The following EPC2 variants were observed in gnomAD, a reference collection of about 807,000 sequenced individuals.
The protein encoded by EPC2 is enhancer of polycomb homolog 2.
EPC2 carries 14 observed loss-of-function variants against 92.1 expected under a neutral mutation model. The observed-to-expected ratio is 0.15, with a 90% CI of 0.10 to 0.24. The LOEUF (loss-of-function observed/expected upper bound fraction) is 0.24. Among genes scored for constraint, EPC2 ranks in the 10% least tolerant of loss-of-function variants. The pLI is 1.00. For missense variants in EPC2, 755 were observed against 971.5 expected, an observed-to-expected ratio of 0.78 and a Z score of 2.96; for synonymous variants, 340 against 334.7, an observed-to-expected ratio of 1.02 and a Z score of -0.17.
chr2:148,733,550 T>G (rs1682690121), intron 2 of EPC2, among the ~76,000 whole-genome samples: 1 of 123,698 alleles, frequency 8.1e-6, no homozygotes, highest in South Asian at 2.9e-4. Context: ...CAGGCGGGAG[T>G]GCAGTGCCGC....
At chr2:148,757,635 C>T (rs1026172915) in intron 4 of EPC2, among the ~76,000 whole-genome samples, 1 of 151,900 alleles carries the variant, frequency 6.6e-6, no homozygotes. Context: ...GTCGGGAGTT[C>T]AAGACCAGCC....
At chr2:148,709,992 C>T (rs1682100597) in intron 2 of EPC2, among the ~76,000 whole-genome samples, 2 of 151,576 alleles carry the variant, frequency 1.3e-5, no homozygotes, top group African/African-American at 4.8e-5. Flanking sequence ...CCAAAATTGA[C>T]AAATGGGATC....
chr2:148,691,837 T>C, intron 2 of EPC2: 1 of 652,172 alleles, frequency 1.5e-6, no homozygotes, highest in Non-Finnish European at 2.9e-6. Context: ...AATTTATTTC[T>C]TTAATCTTAC....
chr2:148,785,423 G>C (rs918595050), intron 13 of EPC2, among the ~76,000 whole-genome samples: 8 of 151,982 alleles, frequency 5.3e-5, no homozygotes, highest in Non-Finnish European at 1.0e-4. Flanking sequence ...CGCCTCCCAG[G>C]TTCAAGCGAT....
intron 1 of EPC2, among the ~76,000 whole-genome samples, chr2:148,689,243 C>A (rs1362327179): frequency 6.6e-6 from 1 of 150,806 alleles, no homozygotes; most frequent in African/African-American, 2.4e-5. Context: ...AGTGGCGGAT[C>A]TCGGCTCACT....
chr2:148,668,213 T>G lies in EPC2; in HGVS notation c.154-22001T>G, dbSNP rs368033601. Among the ~76,000 whole-genome samples the G allele has an allele frequency of 2.6e-5, 4 of 152,308 alleles. No homozygotes were observed. The South Asian group carries it at 8.3e-4, about 32-fold the overall frequency. On this transcript the variant is annotated intron_variant, in intron 1 of 13. Transcript: ENST00000258484. ...CTCCTGGTCTCAGTTTTTTATTTTA[T>G]TTATTTTTTAAAGCTTATTAATATG... is the stretch of plus-strand genomic sequence containing the variant.
intron 11 of EPC2, among the ~76,000 whole-genome samples, chr2:148,782,404 G>A (rs1683770589): frequency 6.6e-6 from 1 of 152,096 alleles, no homozygotes; most frequent in Non-Finnish European, 1.5e-5. Flanking sequence ...GGGCATGGTG[G>A]TGAATACCTG....
intron 1 of EPC2, among the ~76,000 whole-genome samples, chr2:148,687,628 T>C (rs1436482006): frequency 6.6e-6 from 1 of 152,228 alleles, no homozygotes; most frequent in Non-Finnish European, 1.5e-5. Flanking sequence ...CTGACTATGA[T>C]GTAGTATAGA....
intron 1 of EPC2, among the ~76,000 whole-genome samples, chr2:148,685,840 G>A (rs1394377014): frequency 6.6e-6 from 1 of 152,234 alleles, no homozygotes; most frequent in African/African-American, 2.4e-5. Context: ...CTAGCACTGT[G>A]TCTAAAATAT....
intron 2 of EPC2, among the ~76,000 whole-genome samples, chr2:148,732,547 A>T (rs1283583299): frequency 2.0e-5 from 3 of 151,688 alleles, no homozygotes; most frequent in Non-Finnish European, 4.4e-5. Flanking sequence ...TGCCCGGCTA[A>T]TTTTTGTATT....
Position 148,786,357 on chromosome 2 carries a change from G to C in EPC2, c.2404G>C (p.Val802Leu). The C allele has an allele frequency of 1.2e-6, 2 of 1,610,966 alleles. No homozygotes were observed. Among genetic ancestry groups the C allele is most frequent in the Non-Finnish European group, 1.7e-6 (2 of 1,178,556 alleles). The stretch of plus-strand genomic sequence containing the variant: ...CTTAAATGGAATAGCAGAGACAACA[G>C]TAGCTATGGAAGTGACATAACCTAA... ...LGLNGIAETTVAMEVT is the reference protein window; with the variant it reads ...LGLNGIAETTLAMEVT Residue 802 changes from valine to leucine, a missense_variant, in exon 14 of 14, where the codon GTA becomes CTA. By Grantham distance (32) the Val-to-Leu change is conservative. Coordinates refer to ENST00000258484, the MANE Select transcript of EPC2 (RefSeq NM_015630.4).
intron 11 of EPC2, among the ~76,000 whole-genome samples, chr2:148,783,178 AGT>A (rs1165183194): frequency 6.6e-6 from 1 of 152,196 alleles, no homozygotes; most frequent in African/African-American, 2.4e-5. Flanking sequence ...GCTTTTTCTG[AGT>A]CTCCTGGTTA....
At chr2:148,695,460 A>G (rs910922860) in intron 2 of EPC2, among the ~76,000 whole-genome samples, 1 of 152,246 alleles carries the variant, frequency 6.6e-6, no homozygotes, top group African/African-American at 2.4e-5. Flanking sequence ...TCAAGTCTAC[A>G]TTGGAAAAGA....
intron 2 of EPC2, among the ~76,000 whole-genome samples, chr2:148,713,115 C>T (rs1283331680): frequency 1.3e-5 from 2 of 152,210 alleles, no homozygotes; most frequent in East Asian, 3.9e-4. Context: ...ACTTTTTAAT[C>T]GTTATGTTAG....
chr2:148,660,559 A>T (rs1193143508), intron 1 of EPC2, among the ~76,000 whole-genome samples: 1 of 151,500 alleles, frequency 6.6e-6, no homozygotes, highest in Non-Finnish European at 1.5e-5. Flanking sequence ...AGGGAAATTG[A>T]CATATCAGTC....
intron 2 of EPC2, among the ~76,000 whole-genome samples, chr2:148,710,194 G>T (rs866021116): frequency 6.6e-6 from 1 of 152,314 alleles, no homozygotes; most frequent in East Asian, 1.9e-4. Context: ...CAAAGGATAT[G>T]AACAGACACT....
chr2:148,651,474 G>A (rs1680683388), intron 1 of EPC2, among the ~76,000 whole-genome samples: 2 of 152,150 alleles, frequency 1.3e-5, no homozygotes, highest in African/African-American at 4.8e-5. Flanking sequence ...GTGAATGAAG[G>A]AGTAAAAATA....
At chr2:148,733,660 A>G (rs929934308) in intron 2 of EPC2, among the ~76,000 whole-genome samples, 7 of 150,854 alleles carry the variant, frequency 4.6e-5, no homozygotes, top group Non-Finnish European at 1.0e-4. Context: ...CACTGCCCCC[A>G]GCTGTTTTTT....
intron 4 of EPC2, among the ~76,000 whole-genome samples, chr2:148,758,794 G>C (rs1683243132): frequency 6.6e-6 from 1 of 152,144 alleles, no homozygotes; most frequent in Non-Finnish European, 1.5e-5. Context: ...GCAGTAATGG[G>C]ACAAATAGTA....
Sources: allele counts gnomAD v4.1 joint callset (sites outside exome capture counted in the v4.1 genomes callset), GRCh38; gene constraint gnomAD v4.1.1; transcripts MANE v1.5; gene names NCBI Gene and HGNC (gene_info 2026-07-23, HGNC 2026-07-21).